The following BBS9 variants were observed in gnomAD, a reference collection of about 807,000 sequenced individuals.
The protein encoded by BBS9 is protein PTHB1.
In BBS9, 89 loss-of-function variants were observed where a neutral mutation model predicts 117.7. The ratio of observed to expected loss-of-function variants is 0.76; its 90% confidence interval spans 0.64 to 0.90. The LOEUF (loss-of-function observed/expected upper bound fraction) is 0.90, where lower values mean the gene tolerates loss of function less well. BBS9 is among the 40% of genes least tolerant of loss of function. The pLI, the probability that BBS9 is intolerant of heterozygous loss-of-function variation, is 0.00. For synonymous variants in BBS9, 379 were observed against 370.9 expected (o/e 1.02, Z -0.25); for missense variants, 982 against 1,042.2 (o/e 0.94, Z 0.80).
At chr7:33,602,527 G>C (rs780712439) in intron 21 of BBS9, among the ~76,000 whole-genome samples, 1 of 152,126 alleles carries the variant, frequency 6.6e-6, no homozygotes, top group Non-Finnish European at 1.5e-5. Context: ...TTGGAAGTTC[G>C]AGACCAGCCT....
chr7:33,313,461 G>A (rs1205008079), intron 9 of BBS9, among the ~76,000 whole-genome samples: 1 of 152,142 alleles, frequency 6.6e-6, no homozygotes, highest in Admixed American at 6.5e-5. Context: ...GTTAGCAATT[G>A]TTTAGTCTGT....
intron 5 of BBS9, among the ~76,000 whole-genome samples, chr7:33,178,986 G>C (rs1797731904): frequency 6.6e-6 from 1 of 152,158 alleles, no homozygotes; most frequent in Non-Finnish European, 1.5e-5. Context: ...GAGATATCTA[G>C]AGTTAGATGA....
chr7:33,201,589 T>C (rs1785874058), intron 5 of BBS9, among the ~76,000 whole-genome samples: 1 of 152,218 alleles, frequency 6.6e-6, no homozygotes, highest in African/African-American at 2.4e-5. Context: ...GACCTCACTC[T>C]ACTCTTCGGT....
At chr7:33,246,285 T>C (rs1229386642) in intron 5 of BBS9, among the ~76,000 whole-genome samples, 1 of 151,516 alleles carries the variant, frequency 6.6e-6, no homozygotes. Context: ...GATAATTTCC[T>C]GGCTTTAGTT....
rs371119612 is a variant in BBS9, at chr7:33,259,196, T to C, written c.617+1786T>C. ...ATTAAATCTGTCTATATTCAGTTAA[T>C]ATAATATAATCAATTAATAGAATAG... On this transcript the variant is annotated intron_variant, in intron 6 of 22. Transcript: ENST00000242067. Among the ~76,000 whole-genome samples the C allele has an allele frequency of 4.1e-4, 62 of 152,324 alleles. 1 individual carries two copies. The highest frequency in any genetic ancestry group is 1.5e-3 in the African/African-American group (61 of 41,566).
intron 19 of BBS9, among the ~76,000 whole-genome samples, chr7:33,392,848 T>C (rs1170251666): frequency 6.6e-6 from 1 of 152,284 alleles, no homozygotes; most frequent in Admixed American, 6.5e-5. Context: ...GAAAATTAAT[T>C]AGGTTTGTCA....
downstream of BBS9, among the ~76,000 whole-genome samples, chr7:33,607,739 C>T (rs944866747): frequency 6.6e-6 from 1 of 151,916 alleles, no homozygotes; most frequent in Non-Finnish European, 1.5e-5. Context: ...AAAAAAATTA[C>T]TGATAGTTTG....
At chr7:33,229,628 A>C (rs1022011727) in intron 5 of BBS9, among the ~76,000 whole-genome samples, 1 of 152,148 alleles carries the variant, frequency 6.6e-6, no homozygotes, top group African/African-American at 2.4e-5. Flanking sequence ...CATTATAACT[A>C]TATACCACAG....
intron 20 of BBS9, chr7:33,533,720 A>C (rs1850937356): frequency 1.8e-6 from 1 of 558,162 alleles, no homozygotes; most frequent in Non-Finnish European, 3.2e-6. Flanking sequence ...GACTGTTAAC[A>C]TCCTCATTTG....
intron 4 of BBS9, among the ~76,000 whole-genome samples, chr7:33,166,113 C>T (rs1795638263): frequency 6.6e-6 from 1 of 152,188 alleles, no homozygotes; most frequent in South Asian, 2.1e-4. Context: ...CAGGTCTGTT[C>T]GAGTGTGCTG....
At chr7:33,239,457 T>A (rs568770106) in intron 5 of BBS9, among the ~76,000 whole-genome samples, 1 of 152,128 alleles carries the variant, frequency 6.6e-6, no homozygotes, top group East Asian at 1.9e-4. Flanking sequence ...GTCACCAGGC[T>A]GGAGTGCAGT....
At chr7:33,576,529 C>T (rs537889694) in intron 21 of BBS9, among the ~76,000 whole-genome samples, 345 of 152,298 alleles carry the variant, frequency 2.3e-3, no homozygotes, top group African/African-American at 8.0e-3. Context: ...CTACCAATGA[C>T]TTTCTTCACA....
downstream of BBS9, among the ~76,000 whole-genome samples, chr7:33,609,532 T>A (rs1413708142): frequency 6.6e-6 from 1 of 152,162 alleles, no homozygotes; most frequent in Non-Finnish European, 1.5e-5. Flanking sequence ...TATTTTATGA[T>A]GAGTTTGTAA....
chr7:33,405,495 G>A (rs1328435888), intron 19 of BBS9, among the ~76,000 whole-genome samples: 2 of 152,070 alleles, frequency 1.3e-5, no homozygotes, highest in East Asian at 1.9e-4. Flanking sequence ...TGGTTGGTAA[G>A]CTATTGATTA....
chr7:33,592,703 G>A lies in BBS9; in HGVS notation c.2522-12162G>A, dbSNP rs561592552. On this transcript the variant is annotated intron_variant, in intron 21 of 22. Coordinates refer to ENST00000242067, the MANE Select transcript of BBS9 (RefSeq NM_198428.3). The stretch of plus-strand genomic sequence containing the variant: ...GTTTCCTAATCACCACCTAGACTCT[G>A]TCATTATTAAAAACAACACAATTTG... Among the ~76,000 whole-genome samples, 12 of 152,128 alleles carry A rather than the reference G, an allele frequency of 7.9e-5. No individual in the cohort carries two copies. The South Asian group carries it at 2.3e-3, about 29-fold the overall frequency.
At chr7:33,271,240 C>T (rs1318051549) in intron 7 of BBS9, among the ~76,000 whole-genome samples, 1 of 152,164 alleles carries the variant, frequency 6.6e-6, no homozygotes. Flanking sequence ...AAGACTGTTA[C>T]TAACCAATAC....
chr7:33,613,877 A>G (rs574215476), intron 21 of BBS9, among the ~76,000 whole-genome samples: 1 of 152,180 alleles, frequency 6.6e-6, no homozygotes, highest in African/African-American at 2.4e-5. Flanking sequence ...TTCTACCATT[A>G]GTCTAGAGTA....
intron 21 of BBS9, among the ~76,000 whole-genome samples, chr7:33,565,987 T>C (rs1585282000): frequency 6.7e-6 from 1 of 149,996 alleles, no homozygotes; most frequent in South Asian, 2.1e-4. Context: ...TTATTTACTA[T>C]TGGGGAAAAA....
intron 5 of BBS9, among the ~76,000 whole-genome samples, chr7:33,210,912 A>G (rs1266041800): frequency 4.6e-5 from 7 of 152,148 alleles, no homozygotes; most frequent in African/African-American, 1.4e-4. Context: ...CTCCTGTATC[A>G]TTGTATGATG....
Sources: allele counts gnomAD v4.1 joint callset (sites outside exome capture counted in the v4.1 genomes callset), GRCh38; gene constraint gnomAD v4.1.1; transcripts MANE v1.5; gene names NCBI Gene and HGNC (gene_info 2026-07-23, HGNC 2026-07-21).